The following NAV2 variants were observed in gnomAD, a reference collection of about 807,000 sequenced individuals.
NAV2 encodes helicase, APC down-regulated 1.
Under a neutral mutation model 223.2 loss-of-function variants are expected in NAV2, and 54 were observed. The ratio of observed to expected loss-of-function variants is 0.24; its 90% CI spans 0.19 to 0.30. NAV2 has a LOEUF of 0.30. Ranked by LOEUF, NAV2 falls within the 10% of genes least tolerant of loss-of-function variation. The pLI is 1.00. For missense variants in NAV2, 2,806 were observed against 3,147.5 expected (o/e 0.89, Z 2.60); for synonymous variants, 1,279 against 1,239.3 (o/e 1.03, Z -0.67).
At chr11:19,944,487 C>T (rs116495432) in intron 8 of NAV2, among the ~76,000 whole-genome samples, 2 of 147,312 alleles carry the variant, frequency 1.4e-5, no homozygotes, top group South Asian at 4.3e-4. Context: ...TCTCCTTTCC[C>T]CTTTCCCCTT....
chr11:19,938,324 A>G (rs543532915), intron 7 of NAV2, among the ~76,000 whole-genome samples: 1 of 152,202 alleles, frequency 6.6e-6, no homozygotes. Flanking sequence ...GAGATCACAG[A>G]TTCAGATGCC....
intron 36 of NAV2, among the ~76,000 whole-genome samples, chr11:20,111,015 T>G (rs2062589653): frequency 6.6e-6 from 1 of 152,116 alleles, no homozygotes; most frequent in Non-Finnish European, 1.5e-5. Flanking sequence ...GGCTTCCAGG[T>G]AGCCCCTCCC....
At position 19,784,388 on chromosome 11, in the gene NAV2, TAAAAAAAAA is replaced by T. The variant is rs1162911472; in HGVS notation, c.268-48076_268-48068del. 2.0e-4 allele frequency among the ~76,000 whole-genome samples: 10 copies of T among 50,962 alleles called. No individual in the cohort carries two copies. In the East Asian group the frequency reaches 4.8e-3, roughly 24 times the overall value. The allele number at this position is 50,962 out of a possible 152,430, so 33.4% of individuals were successfully genotyped here. On this transcript the variant is annotated intron_variant, in intron 1 of 37. Transcript: ENST00000349880. Reference sequence around the variant, plus strand: ...GGGCAACAAGATCAAAGCTCCATCTTAAAAAAAAAAAAAAAAAAAAAAAAAAAAGAGGGG... The same window carrying T: ...GGGCAACAAGATCAAAGCTCCATCTTAAAAAAAAAAAAAAAAAAAGAGGGG...
At chr11:19,374,651 T>C (rs1848582721) in intron 1 of NAV2, among the ~76,000 whole-genome samples, 1 of 152,224 alleles carries the variant, frequency 6.6e-6, no homozygotes, top group Admixed American at 6.5e-5. Context: ...CTAGATCAAC[T>C]CTTCTTTTTT....
At chr11:19,926,574 C>G (rs1226851363) in intron 6 of NAV2, among the ~76,000 whole-genome samples, 3 of 150,886 alleles carry the variant, frequency 2.0e-5, no homozygotes, top group African/African-American at 7.3e-5. Flanking sequence ...ACCAGGTTGT[C>G]AAGAACTGAC....
chr11:20,092,541 G>A (rs1348847953), intron 28 of NAV2, among the ~76,000 whole-genome samples, 173 bp downstream of exon 28: 1 of 152,210 alleles, frequency 6.6e-6, no homozygotes, highest in Non-Finnish European at 1.5e-5. Context: ...CATGAGCCCA[G>A]CCGTTAGACT....
intron 1 of NAV2, among the ~76,000 whole-genome samples, chr11:19,410,884 A>G (rs1308375462): frequency 1.3e-5 from 2 of 152,126 alleles, no homozygotes; most frequent in Admixed American, 1.3e-4. Flanking sequence ...TTTGCCAATG[A>G]AGAGAATCAT....
intron 1 of NAV2, among the ~76,000 whole-genome samples, chr11:19,777,035 G>C (rs948698973): frequency 1.5e-4 from 23 of 151,826 alleles, no homozygotes; most frequent in African/African-American, 5.3e-4. Context: ...TGAAGCGCCG[G>C]GTGCCACGCG....
At chr11:19,692,816 T>C (rs1439553956) in intron 1 of NAV2, among the ~76,000 whole-genome samples, 1 of 152,184 alleles carries the variant, frequency 6.6e-6, no homozygotes, top group East Asian at 1.9e-4. Context: ...TATTCAAGTG[T>C]GTGCATGTGT....
intron 36 of NAV2, among the ~76,000 whole-genome samples, chr11:20,110,107 A>G (rs1331675838): frequency 6.6e-6 from 1 of 152,268 alleles, no homozygotes; most frequent in East Asian, 1.9e-4. Context: ...CATCTGGGGC[A>G]GGGAGCAGAG....
chr11:19,765,344 TTCC>T (rs2055112749), intron 1 of NAV2, among the ~76,000 whole-genome samples: 1 of 151,692 alleles, frequency 6.6e-6, no homozygotes, highest in African/African-American at 2.4e-5. Flanking sequence ...CTTCCTCCTC[TTCC>T]TCCTCATCCT....
rs976135866 is a variant in NAV2 at position 19,833,485 on chromosome 11, T to C, written c.385+884T>C. Among the ~76,000 whole-genome samples, 2 of 152,224 alleles carry C rather than the reference T, an allele frequency of 1.3e-5. 1 individual carries two copies. The highest frequency in any genetic ancestry group is 2.9e-5 in the Non-Finnish European group (2 of 68,030). ...GAAACTGTTGGACTACTGCTGCCAT[T>C]CAAAGAGAAAGGAGTTTGTTTTCCC... On this transcript the variant is annotated intron_variant, in intron 2 of 37. Coordinates refer to ENST00000349880, the MANE Select transcript of NAV2 (RefSeq NM_145117.5).
intron 1 of NAV2, among the ~76,000 whole-genome samples, chr11:19,392,108 A>T (rs1168490028): frequency 1.3e-5 from 2 of 152,214 alleles, no homozygotes; most frequent in Admixed American, 1.3e-4. Flanking sequence ...TTTTACTTTG[A>T]TGATGGAGAA....
chr11:19,920,845 G>A (rs1271537521), intron 6 of NAV2, among the ~76,000 whole-genome samples: 2 of 152,094 alleles, frequency 1.3e-5, no homozygotes, highest in African/African-American at 4.8e-5. Context: ...ATAATTATCT[G>A]ATTTTTAAAG....
intron 22 of NAV2, among the ~76,000 whole-genome samples, chr11:20,076,544 T>C (rs945698373): frequency 6.6e-6 from 1 of 152,218 alleles, no homozygotes; most frequent in Non-Finnish European, 1.5e-5. Context: ...TGCTGGAAAT[T>C]CCTTAGCATG....
At chr11:19,461,300 A>G (rs1479544848) in intron 1 of NAV2, among the ~76,000 whole-genome samples, 1 of 152,108 alleles carries the variant, frequency 6.6e-6, no homozygotes. Flanking sequence ...CTCCACAGGG[A>G]TTTTTATAGT....
chr11:19,619,121 G>C (rs1590697500), intron 1 of NAV2, among the ~76,000 whole-genome samples: 1 of 150,670 alleles, frequency 6.6e-6, no homozygotes, highest in African/African-American at 2.4e-5. Context: ...GTATTCCATG[G>C]TATATATGTG....
In NAV2 at chr11:19,410,188, G is replaced by T. The variant is rs1850081620; in HGVS notation, c.75+59161G>T. Among the ~76,000 whole-genome samples the T allele has an allele frequency of 1.3e-5, 2 of 152,170 alleles. 1 individual carries two copies. The highest frequency in any genetic ancestry group is 4.1e-4 in the South Asian group (2 of 4,830). On this transcript the variant is annotated intron_variant, in intron 1 of 37. Transcript: ENST00000360655. ...TTCTGAGAGCTATAGAACATGCAGAGGCAGCCTTAACTGCGTTATAAAGGT... is the reference window on the plus strand; with the variant it reads ...TTCTGAGAGCTATAGAACATGCAGATGCAGCCTTAACTGCGTTATAAAGGT...
intron 10 of NAV2, among the ~76,000 whole-genome samples, chr11:19,959,858 G>A (rs925111827): frequency 2.6e-5 from 4 of 152,206 alleles, no homozygotes; most frequent in African/African-American, 9.6e-5. Flanking sequence ...TTAGCAAGGT[G>A]CTCCTTCTTC....
Sources: allele counts gnomAD v4.1 joint callset (sites outside exome capture counted in the v4.1 genomes callset), GRCh38; gene constraint gnomAD v4.1.1; transcripts MANE v1.5; gene names NCBI Gene and HGNC (gene_info 2026-07-23, HGNC 2026-07-21).